Variants in ASPM observed in about 807,000 individuals in gnomAD.
ASPM encodes the protein abnormal spindle-like microcephaly-associated protein.
In ASPM, 256 loss-of-function variants were observed where a neutral mutation model predicts 366.4. The ratio of observed to expected loss-of-function variants is 0.70; its 90% confidence interval spans 0.63 to 0.77. The LOEUF (loss-of-function observed/expected upper bound fraction) is 0.77, where lower values mean the gene tolerates loss of function less well. Among genes scored for constraint, ASPM ranks in the 30% least tolerant of loss-of-function variants. The probability of loss-of-function intolerance (pLI) is 0.00; values close to 1 mark genes in which losing one functional copy is unlikely to be tolerated. For missense variants in ASPM, 4,146 were observed against 4,090.4 expected, an observed-to-expected ratio of 1.01 and a Z score of -0.37; for synonymous variants, 1,414 against 1,342.9, an observed-to-expected ratio of 1.05 and a Z score of -1.16.
chr1:197,133,362 A>G lies in ASPM; in HGVS notation c.2407T>C (p.Trp803Arg), dbSNP rs1199611979. 2 of 1,613,564 alleles carry G rather than the reference A, an allele frequency of 1.2e-6. No individual in the cohort carries two copies. Among genetic ancestry groups the G allele is most frequent in the African/African-American group, 2.7e-5 (2 of 74,898 alleles). Reference sequence around the variant, plus strand: ...GCAGTCTTCTTACCCACATCTTTCCATAGGTGTCTATCTTTTCGAACAATT... The same window carrying G: ...GCAGTCTTCTTACCCACATCTTTCCGTAGGTGTCTATCTTTTCGAACAATT... ...RLIVRKDRHL[W>R]KDVGERQKVL... Residue 803 changes from tryptophan to arginine, a missense_variant, in exon 6 of 28, where the codon TGG (tryptophan) becomes CGG (arginine). Transcript: ENST00000367409.
In ASPM at chr1:197,125,027, AC is replaced by A. The variant is rs766780100; in HGVS notation, c.3082+18del. 4 of 1,612,686 alleles carry A rather than the reference AC, an allele frequency of 2.5e-6. No individual in the cohort carries two copies. The highest frequency in any genetic ancestry group is 2.5e-6 in the Non-Finnish European group (3 of 1,178,898). On this transcript the variant is annotated intron_variant, in intron 11 of 27. Transcript: ENST00000367409. ...ATATTCAGTGAGGAGAATAAGTTTT[AC>A]CTCTACTCAGTTTTTACCATGCTCA... is the stretch of plus-strand genomic sequence containing the variant.
intron 3 of ASPM, among the ~76,000 whole-genome samples, chr1:197,141,918 T>C (rs565638795): frequency 6.6e-6 from 1 of 152,178 alleles, no homozygotes; most frequent in Non-Finnish European, 1.5e-5. Flanking sequence ...ATAAATCAGA[T>C]ACCCAATATG....
At chr1:197,106,446 A>T (rs921469271) in intron 17 of ASPM, among the ~76,000 whole-genome samples, 2 of 152,010 alleles carry the variant, frequency 1.3e-5, no homozygotes, top group Non-Finnish European at 2.9e-5. Context: ...AGAAATTCAG[A>T]TATTATTTTT....
Position 197,103,567 on chromosome 1 carries a change from C to A in ASPM, c.5684G>T (p.Arg1895Ile). The A allele has an allele frequency of 6.2e-7, 1 of 1,612,926 alleles. No homozygotes were observed. The highest frequency in any genetic ancestry group is 8.5e-7 in the Non-Finnish European group (1 of 1,179,450). ...CTTCAAGGCAGCTTGATGTTCCCTTCTAATCTGTTTCCGAACCTTCCAGCC... is the reference window on the plus strand; with the variant it reads ...CTTCAAGGCAGCTTGATGTTCCCTTATAATCTGTTTCCGAACCTTCCAGCC... ...YRGWKVRKQIRREHQAALKIQ... is the reference protein window; with the variant it reads ...YRGWKVRKQIIREHQAALKIQ... Residue 1895 changes from arginine (R) to isoleucine (I), a missense_variant, in exon 18 of 28, where the codon AGA becomes ATA. By Grantham distance (97) the Arg-to-Ile change is moderately conservative. Around this residue, in one of 3 missense-constraint regions of ASPM, gnomAD observed 3,624 missense variants for 3,591.7 expected, o/e 1.01. Transcript: ENST00000367409.
chr1:197,118,291 T>C (rs1169607094), intron 16 of ASPM, among the ~76,000 whole-genome samples: 1 of 152,064 alleles, frequency 6.6e-6, no homozygotes, highest in Middle Eastern at 3.2e-3. Context: ...AAGTGTAATG[T>C]GGTATGTTTC....
At chr1:197,115,690 T>C (rs1571610429) in intron 17 of ASPM, among the ~76,000 whole-genome samples, 1 of 152,176 alleles carries the variant, frequency 6.6e-6, no homozygotes, top group African/African-American at 2.4e-5. Flanking sequence ...TGACCAGGAG[T>C]ACTGTCAATT....
chr1:197,129,096 A>T, intron 9 of ASPM, 91 bp downstream of exon 9: 1 of 1,463,362 alleles, frequency 6.8e-7, no homozygotes, highest in Non-Finnish European at 9.4e-7. Flanking sequence ...TGGAAAACTA[A>T]TTTTTTTTCT....
In ASPM at chr1:197,091,796, C is replaced by T. The variant is rs79431914; in HGVS notation, c.9444+111G>A. On this transcript the variant is annotated intron_variant, in intron 22 of 27. Transcript: ENST00000367409. ...ATTGTAACAGCTATAAGGTGAAAGG[C>T]TAAATGTTGTACGACCTTAGCATAA... 1.7e-3 allele frequency: 1,990 copies of T among 1,158,172 alleles called. 22 individuals carry two copies. In the African/African-American group the frequency reaches 0.026, roughly 15 times the overall value. The allele number at this position is 1,158,172 out of a possible 1,614,324, so 71.7% of individuals were successfully genotyped here. A position where few individuals can be genotyped will look rare whatever the true frequency, so the allele number is the denominator to read the frequency against.
chr1:197,126,926 T>C (rs748724045), intron 10 of ASPM, among the ~76,000 whole-genome samples: 12 of 152,226 alleles, frequency 7.9e-5, no homozygotes, highest in Non-Finnish European at 1.6e-4. Flanking sequence ...TAAAGACACG[T>C]CTGAATATTG....
chr1:197,142,129 A>G (rs1658604092), intron 3 of ASPM, among the ~76,000 whole-genome samples: 2 of 152,216 alleles, frequency 1.3e-5, no homozygotes, highest in Non-Finnish European at 2.9e-5. Flanking sequence ...TGATCAGAAC[A>G]TATCTACAAG....
chr1:197,123,833 G>A (rs1657992061), intron 13 of ASPM, among the ~76,000 whole-genome samples: 1 of 152,036 alleles, frequency 6.6e-6, no homozygotes, highest in Admixed American at 6.5e-5. Flanking sequence ...ATAATGATAT[G>A]ATTCTTTTAT....
At chr1:197,122,954 T>C (rs1256796046) in intron 13 of ASPM, among the ~76,000 whole-genome samples, 2 of 152,236 alleles carry the variant, frequency 1.3e-5, no homozygotes, top group East Asian at 1.9e-4. Context: ...TTTGTGAATA[T>C]TGAACCATTG....
intron 18 of ASPM, among the ~76,000 whole-genome samples, chr1:197,099,719 C>G (rs980853378): frequency 6.6e-6 from 1 of 151,704 alleles, no homozygotes; most frequent in Non-Finnish European, 1.5e-5. Flanking sequence ...TGAATTAAAA[C>G]ATTATTTCTA....
chr1:197,133,669 T>C, intron 5 of ASPM, 74 bp from the exon 6 acceptor site: 1 of 1,537,950 alleles, frequency 6.5e-7, no homozygotes, highest in Non-Finnish European at 8.9e-7. Context: ...AGCAATAAAA[T>C]GCAATTTCAG....
At position 197,101,136 on chromosome 1, in the gene ASPM, T is replaced by G. The variant is rs1393782990; in HGVS notation, c.8115A>C (p.Lys2705Asn). Residue 2705 changes from lysine to asparagine, a missense_variant, in exon 18 of 28, where the codon AAA (lysine) becomes AAC (asparagine). By Grantham distance (94) the Lys-to-Asn change is moderately conservative (BLOSUM62 0). Coordinates refer to ENST00000367409, the MANE Select transcript of ASPM (RefSeq NM_018136.5). ...CAGTTTTCTTTGTTTCATAATCAAC[T>G]TTGGCCCTGTGCATTCGATAGAATG... Reference protein sequence around the residue: ...IQSFYRMHRAKVDYETKKTAI... With the variant: ...IQSFYRMHRANVDYETKKTAI... 1.9e-6 allele frequency: 3 copies of G among 1,612,346 alleles called. No homozygotes were observed. The East Asian group carries it at 6.7e-5, about 36-fold the overall frequency.
In ASPM at chr1:197,103,451, A is replaced by G. The variant is rs781756025; in HGVS notation, c.5800T>C (p.Trp1934Arg). 2.0e-5 allele frequency: 32 copies of G among 1,613,184 alleles called. No individual in the cohort carries two copies. Among genetic ancestry groups the G allele is most frequent in the Non-Finnish European group, 2.5e-5 (30 of 1,179,548 alleles). ...ALVIQQNFRA[W>R]TAGRKQCMEY... ...ATACATTGCTTCCTTCCTGCAGTCCATGCTCTGAAATTTTGCTGGATGACT... is the reference window on the plus strand; with the variant it reads ...ATACATTGCTTCCTTCCTGCAGTCCGTGCTCTGAAATTTTGCTGGATGACT... The change falls in exon 18 of 28, where the codon TGG (tryptophan) becomes CGG (arginine). Residue 1934 changes from tryptophan to arginine, a missense_variant. This residue lies in a region of ASPM where 3,624 missense variants were observed against 3,591.7 expected (regional missense o/e 1.01). Transcript: ENST00000367409.
chr1:197,125,257 AATATAGTT>A, intron 10 of ASPM, 66 bp from the exon 11 acceptor site: 1 of 1,561,118 alleles, frequency 6.4e-7, no homozygotes, highest in East Asian at 2.2e-5. Context: ...CCTTCACTGA[AATATAGTT>A]ATTTCCCACA....
In ASPM at chr1:197,146,394, G is replaced by A. The variant is rs918488753; in HGVS notation, c.44C>T (p.Pro15Leu). The A allele has an allele frequency of 6.2e-7, 1 of 1,609,938 alleles. No homozygotes were observed. The highest frequency in any genetic ancestry group is 8.5e-7 in the Non-Finnish European group (1 of 1,179,454). Reference protein sequence around the residue: ...RVGRGCWEVSPTERRPPAGLR... With the variant: ...RVGRGCWEVSLTERRPPAGLR... Reference sequence around the variant, plus strand: ...CCCCGCGGGCGGCCTCCGCTCGGTCGGGCTCACTTCCCAGCAGCCTCGCCC... The same window carrying A: ...CCCCGCGGGCGGCCTCCGCTCGGTCAGGCTCACTTCCCAGCAGCCTCGCCC... Residue 15 changes from proline (P) to leucine (L), a missense_variant, in exon 1 of 28, where the codon CCG (proline) becomes CTG (leucine). Coordinates refer to ENST00000367409, the MANE Select transcript of ASPM (RefSeq NM_018136.5).
At position 197,103,519 on chromosome 1, in the gene ASPM, G is replaced by C. The variant is rs1571601041; in HGVS notation, c.5732C>G (p.Ala1911Gly). The C allele has an allele frequency of 6.2e-7, 1 of 1,612,974 alleles. No individual in the cohort carries two copies. The highest frequency in any genetic ancestry group is 1.3e-5 in the African/African-American group (1 of 74,768). The change falls in exon 18 of 28, where the codon GCC becomes GGC. Residue 1911 changes from alanine to glycine, a missense_variant. This residue lies in a region of ASPM where 3,624 missense variants were observed against 3,591.7 expected (regional missense o/e 1.01). Transcript: ENST00000367409. ...ALKIQSAFRM[A>G]KAQKQFRLFK... Reference sequence around the variant, plus strand: ...CAATCTAAACTGTTTCTGGGCCTTGGCCATTCTAAAAGCAGACTGAATCTT... The same window carrying C: ...CAATCTAAACTGTTTCTGGGCCTTGCCCATTCTAAAAGCAGACTGAATCTT...
Sources: allele counts gnomAD v4.1 joint callset (sites outside exome capture counted in the v4.1 genomes callset), GRCh38; gene constraint gnomAD v4.1.1; regional missense constraint gnomAD v4.1.1; transcripts MANE v1.5; gene names NCBI Gene and HGNC (gene_info 2026-07-23, HGNC 2026-07-21).